NR2C2: variants seen among roughly 807,000 people sequenced by gnomAD.
NR2C2 encodes the protein nuclear receptor subfamily 2 group C member 2.
Under a neutral mutation model 62.9 loss-of-function variants are expected in NR2C2, and 6 were observed. The observed-to-expected ratio is 0.10, with a 90% confidence interval of 0.05 to 0.19. NR2C2 has a LOEUF of 0.19. Ranked by LOEUF, NR2C2 falls within the 10% of genes least tolerant of loss-of-function variation. NR2C2 has a pLI of 1.00. For missense variants in NR2C2, 479 were observed against 762.7 expected, an observed-to-expected ratio of 0.63 and a Z score of 4.38; for synonymous variants, 272 against 273.8, an observed-to-expected ratio of 0.99 and a Z score of 0.07.
intron 1 of NR2C2, chr3:14,948,656 G>C (rs1406603608): frequency 6.5e-6 from 1 of 153,118 alleles, no homozygotes; most frequent in Non-Finnish European, 1.5e-5. Context: ...CTGGTCTTGG[G>C]TCAGCAGGTG....
At chr3:14,950,768 G>C (rs2039332705) in intron 1 of NR2C2, among the ~76,000 whole-genome samples, 2 of 152,194 alleles carry the variant, frequency 1.3e-5, no homozygotes, top group Non-Finnish European at 2.9e-5. Flanking sequence ...GCACTTAGAA[G>C]AGTGCCTGGC....
In NR2C2 at chr3:15,023,285, G is replaced by C; in HGVS notation, c.642G>C (p.Arg214=). ...CAASTEKIYI[R]KDLRSPLIAT... is the part of the protein sequence containing the mutation. ...CTTCAACTGAGAAAATCTATATCCG[G>C]AAAGACCTGAGAAGTCCCCTGATAG... is the stretch of plus-strand genomic sequence containing the variant. The change falls in exon 6 of 14, where the codon CGG becomes CGC. Residue 214 remains arginine (R), a synonymous_variant. Transcript: ENST00000425241. 1.2e-6 allele frequency: 2 copies of C among 1,614,206 alleles called. No homozygotes were observed. Among genetic ancestry groups the C allele is most frequent in the Non-Finnish European group, 1.7e-6 (2 of 1,180,038 alleles).
chr3:15,040,216 G>GAA (rs1347665236), intron 13 of NR2C2, among the ~76,000 whole-genome samples: 4 of 152,080 alleles, frequency 2.6e-5, no homozygotes, highest in South Asian at 4.1e-4. Flanking sequence ...CTTTAGGCAG[G>GAA]AAAATTGTTC....
At chr3:15,006,398 C>A (rs1047729490) in intron 2 of NR2C2, among the ~76,000 whole-genome samples, 2 of 151,912 alleles carry the variant, frequency 1.3e-5, no homozygotes, top group African/African-American at 4.8e-5. Flanking sequence ...CTCTAATATA[C>A]CCTGACCTAT....
Position 14,995,339 on chromosome 3 carries a change from C to T in NR2C2, c.-39-8537C>T, listed in dbSNP as rs570855368. The stretch of plus-strand genomic sequence containing the variant: ...CCCCCTCAAAAAAAAAAAAAAAAAC[C>T]CCACACTCCTTAGCTCTCACCCCCC... On this transcript the variant is annotated intron_variant, in intron 1 of 13. Transcript: ENST00000425241. 4.5e-4 allele frequency among the ~76,000 whole-genome samples: 68 copies of T among 149,686 alleles called. No homozygotes were observed. In the Middle Eastern group the frequency reaches 0.01, roughly 23 times the overall value.
chr3:14,996,390 T>C (rs1001952716), intron 1 of NR2C2, among the ~76,000 whole-genome samples: 15 of 152,238 alleles, frequency 9.9e-5, no homozygotes, highest in Admixed American at 9.2e-4. Flanking sequence ...TTATATAGTT[T>C]TTATAACTTA....
intron 8 of NR2C2, among the ~76,000 whole-genome samples, chr3:15,029,962 A>G (rs1047521854): frequency 1.3e-5 from 2 of 152,138 alleles, no homozygotes; most frequent in Admixed American, 6.5e-5. Flanking sequence ...AAGAAAAGAA[A>G]GAAATTGTCC....
At chr3:15,004,580 A>G (rs2124935226) in intron 2 of NR2C2, 1 of 1,613,148 alleles carries the variant, frequency 6.2e-7, no homozygotes, top group Non-Finnish European at 8.5e-7. Flanking sequence ...CCTCTGGCCC[A>G]TTGAGTGTTT....
chr3:14,972,949 G>GA (rs1033574708), intron 1 of NR2C2, among the ~76,000 whole-genome samples: 3 of 152,242 alleles, frequency 2.0e-5, no homozygotes, highest in African/African-American at 7.2e-5. Flanking sequence ...CCATCCCCAT[G>GA]ATCCGATCAC....
intron 1 of NR2C2, among the ~76,000 whole-genome samples, chr3:14,950,892 G>A (rs940750188): frequency 1.3e-5 from 2 of 152,210 alleles, no homozygotes; most frequent in African/African-American, 4.8e-5. Flanking sequence ...AGCACTGCCA[G>A]CAATAATAAG....
At chr3:15,019,556 G>A (rs1353092215) in intron 4 of NR2C2, among the ~76,000 whole-genome samples, 1 of 152,112 alleles carries the variant, frequency 6.6e-6, no homozygotes, top group Non-Finnish European at 1.5e-5. Context: ...AAGAAAATGT[G>A]GTATGTAACA....
intron 1 of NR2C2, among the ~76,000 whole-genome samples, chr3:14,969,887 C>A (rs933714443): frequency 6.6e-6 from 1 of 152,116 alleles, no homozygotes; most frequent in Non-Finnish European, 1.5e-5. Flanking sequence ...AAACATAGAG[C>A]TCTCCCAGTT....
chr3:14,952,474 G>C (rs2039395787), intron 1 of NR2C2, among the ~76,000 whole-genome samples: 1 of 152,128 alleles, frequency 6.6e-6, no homozygotes. Context: ...CACACGGGGG[G>C]AGTCCGTGAA....
chr3:15,001,594 C>T (rs1386423748), intron 1 of NR2C2, among the ~76,000 whole-genome samples: 2 of 152,056 alleles, frequency 1.3e-5, no homozygotes, highest in Admixed American at 6.6e-5. Context: ...CTTGGCCTCC[C>T]AAAGTGCTGG....
chr3:15,031,626 G>A (rs1174901040), intron 9 of NR2C2, among the ~76,000 whole-genome samples: 9 of 152,082 alleles, frequency 5.9e-5, no homozygotes, highest in African/African-American at 1.9e-4. Context: ...TCCCACCTCA[G>A]CCTCCCAAAG....
intron 1 of NR2C2, among the ~76,000 whole-genome samples, chr3:14,969,073 A>AC (rs1266212713): frequency 6.6e-6 from 1 of 150,718 alleles, no homozygotes; most frequent in Non-Finnish European, 1.5e-5. Flanking sequence ...CCAGCATGGC[A>AC]CATGTATACA....
rs1456470092 is a variant in NR2C2 at position 14,947,784 on chromosome 3, C to G, written c.-162C>G. On this transcript the variant is annotated 5_prime_UTR_variant, in exon 1 of 14. Transcript: ENST00000425241. Reference sequence around the variant, plus strand: ...CCGCTGCCCCGCGAGCCCGCGGCCCCCGGGCTCCCGCCATCCGCCGACACC... The same window carrying G: ...CCGCTGCCCCGCGAGCCCGCGGCCCGCGGGCTCCCGCCATCCGCCGACACC... 1 of 149,778 alleles carries G rather than the reference C, an allele frequency of 6.7e-6. No homozygotes were observed. The highest frequency in any genetic ancestry group is 1.5e-5 in the Non-Finnish European group (1 of 67,086). The allele number at this position is 149,778 out of a possible 1,614,324, so 9.3% of individuals were successfully genotyped here. A position where few individuals can be genotyped will look rare whatever the true frequency, so the allele number is the denominator to read the frequency against.
At chr3:14,983,227 GTACCCAT>G (rs2040422924) in intron 1 of NR2C2, among the ~76,000 whole-genome samples, 1 of 151,254 alleles carries the variant, frequency 6.6e-6, no homozygotes, top group African/African-American at 2.4e-5. Flanking sequence ...ACTATATTTT[GTACCCAT>G]TAACCATCCC....
At chr3:14,964,120 A>G (rs1026381584) in intron 1 of NR2C2, among the ~76,000 whole-genome samples, 19 of 152,262 alleles carry the variant, frequency 1.2e-4, no homozygotes, top group African/African-American at 4.3e-4. Flanking sequence ...CACATATAAC[A>G]AAACCAGTTT....
Sources: gnomAD v4.1 joint callset for allele counts (sites outside exome capture counted in the v4.1 genomes callset) on GRCh38, gnomAD v4.1.1 for gene constraint, MANE v1.5 for transcripts, NCBI Gene and HGNC (gene_info 2026-07-23, HGNC 2026-07-21) for gene names.